The following CTNND2 variants were observed in gnomAD, a reference collection of about 807,000 sequenced individuals.
CTNND2 encodes catenin delta 2, also known as catenin delta-2.
Under a neutral mutation model 144.4 loss-of-function variants are expected in CTNND2, and 22 were observed. The observed-to-expected ratio is 0.15, with a 90% CI of 0.11 to 0.22. The LOEUF is 0.22. Among genes scored for constraint, CTNND2 ranks in the 10% least tolerant of loss-of-function variants. CTNND2 has a pLI of 1.00. For synonymous variants in CTNND2, 751 were observed against 695.6 expected (o/e 1.08, Z -1.25); for missense variants, 1,353 against 1,618.8 (o/e 0.84, Z 2.82).
intron 11 of CTNND2, among the ~76,000 whole-genome samples, chr5:11,163,365 AC>A (rs1331850031): frequency 3.9e-5 from 6 of 152,084 alleles, no homozygotes; most frequent in Middle Eastern, 3.4e-3. Flanking sequence ...GGATTTTCCA[AC>A]CCCAACCAAG....
At chr5:11,430,176 G>A (rs188902220) in intron 3 of CTNND2, among the ~76,000 whole-genome samples, 21 of 149,632 alleles carry the variant, frequency 1.4e-4, no homozygotes, top group Non-Finnish European at 2.2e-4. Flanking sequence ...CTTGAAACCC[G>A]GAGCGGAAGT....
chr5:11,402,146 T>C (rs1179773073), intron 5 of CTNND2, among the ~76,000 whole-genome samples: 2 of 152,124 alleles, frequency 1.3e-5, no homozygotes, highest in African/African-American at 4.8e-5. Context: ...ACAACAAAAC[T>C]AATGTCAGAG....
chr5:11,130,158 A>G (rs1427692357), intron 12 of CTNND2, among the ~76,000 whole-genome samples: 1 of 152,102 alleles, frequency 6.6e-6, no homozygotes, highest in East Asian at 1.9e-4. Flanking sequence ...AGCTGCAGAG[A>G]CAGAATGCTT....
At chr5:11,788,904 C>T (rs183397066) in intron 1 of CTNND2, among the ~76,000 whole-genome samples, 286 of 150,998 alleles carry the variant, frequency 1.9e-3, no homozygotes, top group African/African-American at 6.4e-3. Context: ...GTTCAATTCC[C>T]ACCTATGAAT....
intron 16 of CTNND2, among the ~76,000 whole-genome samples, chr5:11,046,153 T>C (rs548612889): frequency 6.6e-6 from 1 of 152,254 alleles, no homozygotes; most frequent in Admixed American, 6.5e-5. Flanking sequence ...CGGCCTTATG[T>C]AGCAACAGGG....
At chr5:11,748,036 TGCACTCA>T (rs1408697244) in intron 1 of CTNND2, among the ~76,000 whole-genome samples, 10 of 152,146 alleles carry the variant, frequency 6.6e-5, no homozygotes, top group Admixed American at 2.6e-4. Context: ...AACAGATATC[TGCACTCA>T]GCCCATATGT....
intron 1 of CTNND2, among the ~76,000 whole-genome samples, chr5:11,766,603 T>C (rs1358851312): frequency 3.3e-5 from 5 of 152,188 alleles, no homozygotes; most frequent in African/African-American, 1.2e-4. Context: ...CCTCTTTCTT[T>C]TGTAAATTGC....
chr5:11,403,250 T>C (rs1760786252), intron 5 of CTNND2, among the ~76,000 whole-genome samples: 1 of 152,150 alleles, frequency 6.6e-6, no homozygotes, highest in Admixed American at 6.5e-5. Context: ...CCCTTCCCTG[T>C]GTCCATGGGT....
chr5:11,727,471 T>C (rs896966171), intron 2 of CTNND2, among the ~76,000 whole-genome samples: 1 of 152,188 alleles, frequency 6.6e-6, no homozygotes, highest in Non-Finnish European at 1.5e-5. Flanking sequence ...ATGATCACTA[T>C]TCCTAATACA....
rs575295551 is a variant in CTNND2 at position 11,082,958 on chromosome 5, C to T, written c.2638-112G>A. The T allele has an allele frequency of 7.2e-5, 86 of 1,198,284 alleles. No individual in the cohort carries two copies. In the African/African-American group the frequency reaches 1.2e-3, roughly 16 times the overall value. The allele number at this position is 1,198,284 out of a possible 1,614,324, so 74.2% of individuals were successfully genotyped here. A position where few individuals can be genotyped will look rare whatever the true frequency, so the allele number is the denominator to read the frequency against. ...TACAGGAGCCAAAAAGGTTGAATTACCAAGACCTAGTTGTAGAATGGGTTG... is the reference window on the plus strand; with the variant it reads ...TACAGGAGCCAAAAAGGTTGAATTATCAAGACCTAGTTGTAGAATGGGTTG... On this transcript the variant is annotated intron_variant, in intron 15 of 21. Coordinates refer to ENST00000304623, the MANE Select transcript of CTNND2 (RefSeq NM_001332.4).
intron 8 of CTNND2, among the ~76,000 whole-genome samples, chr5:11,352,104 C>G (rs889941864): frequency 6.6e-6 from 1 of 152,102 alleles, no homozygotes; most frequent in African/African-American, 2.4e-5. Flanking sequence ...TTTGAACATA[C>G]AAAATTTAAA....
At chr5:11,168,154 T>C (rs989241032) in intron 11 of CTNND2, among the ~76,000 whole-genome samples, 6 of 152,206 alleles carry the variant, frequency 3.9e-5, no homozygotes, top group Non-Finnish European at 8.8e-5. Context: ...CTCAGATGTA[T>C]CTATGATCTC....
At chr5:11,553,564 GAAAT>G (rs1004411186) in intron 3 of CTNND2, among the ~76,000 whole-genome samples, 3 of 152,156 alleles carry the variant, frequency 2.0e-5, no homozygotes, top group Middle Eastern at 3.4e-3. Flanking sequence ...ATAGATGAAA[GAAAT>G]AAATAAAAGA....
chr5:11,027,344 A>C (rs1048483873), intron 16 of CTNND2: 2 of 152,230 alleles, frequency 1.3e-5, no homozygotes, highest in African/African-American at 4.8e-5. Flanking sequence ...TTGTCAGATC[A>C]AAACAATACA....
chr5:11,423,321 C>T (rs1275303449), intron 3 of CTNND2, among the ~76,000 whole-genome samples: 2 of 152,132 alleles, frequency 1.3e-5, no homozygotes, highest in Non-Finnish European at 2.9e-5. Flanking sequence ...CACTTCATTC[C>T]CTGATCCTGA....
intron 2 of CTNND2, among the ~76,000 whole-genome samples, chr5:11,636,815 G>A (rs542222209): frequency 6.6e-6 from 1 of 152,306 alleles, no homozygotes; most frequent in South Asian, 2.1e-4. Context: ...GCTGAATGGA[G>A]CATGAAGAAG....
intron 1 of CTNND2, among the ~76,000 whole-genome samples, chr5:11,748,538 T>G (rs1209211629): frequency 6.6e-6 from 1 of 152,122 alleles, no homozygotes; most frequent in Non-Finnish European, 1.5e-5. Context: ...AGCCTTACTT[T>G]TTTGCCAATT....
chr5:11,685,012 A>T (rs1469580647), intron 2 of CTNND2, among the ~76,000 whole-genome samples: 1 of 152,224 alleles, frequency 6.6e-6, no homozygotes, highest in Non-Finnish European at 1.5e-5. Flanking sequence ...CACAGCTTAT[A>T]ACCTTCATCT....
intron 3 of CTNND2, among the ~76,000 whole-genome samples, chr5:11,499,404 G>A (rs144474994): frequency 1.1e-3 from 163 of 152,280 alleles, no homozygotes; most frequent in African/African-American, 3.6e-3. Flanking sequence ...GACAATGGCA[G>A]GATTACCATT....
Sources: gnomAD v4.1 joint callset for allele counts (sites outside exome capture counted in the v4.1 genomes callset) on GRCh38, gnomAD v4.1.1 for gene constraint, MANE v1.5 for transcripts, NCBI Gene and HGNC (gene_info 2026-07-23, HGNC 2026-07-21) for gene names.